The following SPAG17 variants were observed in gnomAD, a reference collection of about 807,000 sequenced individuals.
The protein encoded by SPAG17 is sperm-associated antigen 17.
Under a neutral mutation model 273.6 loss-of-function variants are expected in SPAG17, and 169 were observed. The ratio of observed to expected loss-of-function variants is 0.62; its 90% CI spans 0.55 to 0.70. SPAG17 has a LOEUF of 0.70. Among genes scored for constraint, SPAG17 ranks in the 30% least tolerant of loss-of-function variants. The pLI, the probability that SPAG17 is intolerant of heterozygous loss-of-function variation, is 0.00. For missense variants in SPAG17, 2,557 were observed against 2,627.8 expected, an observed-to-expected ratio of 0.97 and a Z score of 0.59; for synonymous variants, 825 against 873.2, an observed-to-expected ratio of 0.94 and a Z score of 0.97.
At chr1:117,957,853 T>C (rs534338003) in intron 48 of SPAG17, among the ~76,000 whole-genome samples, 34 of 152,336 alleles carry the variant, frequency 2.2e-4, no homozygotes, top group Middle Eastern at 6.8e-3. Flanking sequence ...TTTACCAACA[T>C]TTTAAGAAAG....
At chr1:118,018,279 T>C (rs563129281) in intron 28 of SPAG17, among the ~76,000 whole-genome samples, 1 of 152,246 alleles carries the variant, frequency 6.6e-6, no homozygotes, top group South Asian at 2.1e-4. Flanking sequence ...CAGAAATCAT[T>C]CGTGTCCTTT....
intron 1 of SPAG17, among the ~76,000 whole-genome samples, chr1:118,173,225 C>A (rs1394094821): frequency 6.6e-6 from 1 of 152,096 alleles, no homozygotes; most frequent in African/African-American, 2.4e-5. Flanking sequence ...GAAAATTCAA[C>A]ACGTAATACA....
chr1:118,017,947 A>G (rs1660136167), intron 28 of SPAG17, among the ~76,000 whole-genome samples: 2 of 152,218 alleles, frequency 1.3e-5, no homozygotes, highest in Non-Finnish European at 2.9e-5. Flanking sequence ...ACTAGATACC[A>G]ATAATTCCAC....
intron 13 of SPAG17, among the ~76,000 whole-genome samples, chr1:118,085,301 C>T (rs541933164): frequency 6.6e-6 from 1 of 152,230 alleles, no homozygotes; most frequent in African/African-American, 2.4e-5. Context: ...TTGTGGGTGG[C>T]TGCAACAAGA....
At chr1:118,101,717 G>GC in intron 5 of SPAG17, 23 bp downstream of exon 5, 1 of 1,597,592 alleles carries the variant, frequency 6.3e-7, no homozygotes, top group South Asian at 1.1e-5. Context: ...GAAAGGCACC[G>GC]CCGGCAGCAG....
At chr1:118,005,371 G>C in intron 32 of SPAG17, 43 bp downstream of exon 32, 1 of 1,473,278 alleles carries the variant, frequency 6.8e-7, no homozygotes, top group Non-Finnish European at 9.0e-7. Context: ...TATCTCAAAA[G>C]CAAAGCCACA....
intron 20 of SPAG17, among the ~76,000 whole-genome samples, chr1:118,046,460 T>C (rs999579998): frequency 2.0e-5 from 3 of 152,092 alleles, no homozygotes; most frequent in South Asian, 2.1e-4. Context: ...ATTTTAATAG[T>C]TCCTGGTATT....
intron 3 of SPAG17, among the ~76,000 whole-genome samples, chr1:118,135,195 C>T (rs890992302): frequency 7.2e-5 from 11 of 152,170 alleles, no homozygotes; most frequent in Admixed American, 3.9e-4. Context: ...GACATCCAGC[C>T]AGCCCTCCTC....
intron 1 of SPAG17, among the ~76,000 whole-genome samples, chr1:118,160,980 G>A (rs2102371075): frequency 6.6e-6 from 1 of 152,284 alleles, no homozygotes; most frequent in Non-Finnish European, 1.5e-5. Flanking sequence ...TGTAACTTGA[G>A]CAAGAATAGT....
chr1:117,961,252 C>G (rs1033658885), intron 48 of SPAG17: 8 of 152,176 alleles, frequency 5.3e-5, no homozygotes, highest in African/African-American at 1.9e-4. Flanking sequence ...CACCAGCATT[C>G]CAGCCTGGGC....
At chr1:118,015,250 G>A (rs980285485) in intron 29 of SPAG17, among the ~76,000 whole-genome samples, 4 of 142,338 alleles carry the variant, frequency 2.8e-5, no homozygotes, top group Admixed American at 7.3e-5. Flanking sequence ...CAGCCTGGGC[G>A]ACAACAGCAA....
chr1:118,093,894 C>T (rs931964942), intron 7 of SPAG17, among the ~76,000 whole-genome samples: 1 of 152,196 alleles, frequency 6.6e-6, no homozygotes, highest in Non-Finnish European at 1.5e-5. Flanking sequence ...TAGACTATTG[C>T]TTCTATAATA....
intron 4 of SPAG17, among the ~76,000 whole-genome samples, chr1:118,108,456 C>A (rs1189155817): frequency 6.6e-6 from 1 of 152,078 alleles, no homozygotes; most frequent in Non-Finnish European, 1.5e-5. Flanking sequence ...CAAAGCTGAC[C>A]CCCTAAGTTA....
chr1:118,185,048 GGCT>G lies in SPAG17; in HGVS notation c.87+20_87+22del. On this transcript the variant is annotated intron_variant, in intron 1 of 48. Coordinates refer to ENST00000336338, the MANE Select transcript of SPAG17 (RefSeq NM_206996.4). ...CTCTGGCATTGCCGGGGGCAGGGAG[GGCT>G]TAAAGGGCTCAAGGCTCACCTGATT... 1 of 1,608,482 alleles carries G rather than the reference GGCT, an allele frequency of 6.2e-7. No homozygotes were observed. The highest frequency in any genetic ancestry group is 8.5e-7 in the Non-Finnish European group (1 of 1,174,926).
At chr1:118,163,541 C>CT (rs772258602) in intron 1 of SPAG17, among the ~76,000 whole-genome samples, 2,636 of 140,984 alleles carry the variant, frequency 0.019, 28 homozygotes, top group African/African-American at 0.028. Flanking sequence ...TTCCTTCTTC[C>CT]TTTTTTTTTT....
chr1:118,044,801 A>C (rs994991284), intron 20 of SPAG17, among the ~76,000 whole-genome samples: 1 of 152,106 alleles, frequency 6.6e-6, no homozygotes, highest in Non-Finnish European at 1.5e-5. Context: ...CTCCCGCTCT[A>C]GTCATGGAGG....
chr1:117,972,080 C>A, intron 44 of SPAG17, 33 bp from the exon 45 acceptor site: 1 of 1,543,700 alleles, frequency 6.5e-7, no homozygotes, highest in Non-Finnish European at 8.8e-7. Context: ...TAAAATGGTT[C>A]TATTTTGAGT....
At chr1:118,007,539 C>T (rs148196407) in intron 31 of SPAG17, among the ~76,000 whole-genome samples, 124 of 152,284 alleles carry the variant, frequency 8.1e-4, no homozygotes, top group African/African-American at 2.9e-3. Flanking sequence ...TCCTCCTTGG[C>T]CTTCCAAGGA....
intron 31 of SPAG17, 52 bp from the exon 32 acceptor site, chr1:118,005,654 G>T: frequency 1.5e-6 from 2 of 1,311,460 alleles, no homozygotes. Context: ...TGTTAAATAT[G>T]TGGGACTTGG....
Sources: allele counts gnomAD v4.1 joint callset (sites outside exome capture counted in the v4.1 genomes callset), GRCh38; gene constraint gnomAD v4.1.1; transcripts MANE v1.5; gene names NCBI Gene and HGNC (gene_info 2026-07-23, HGNC 2026-07-21).